The following CSMD3 variants were observed in gnomAD, a reference collection of about 807,000 sequenced individuals.
CSMD3 encodes CUB and Sushi multiple domains 3.
CSMD3 carries 177 observed loss-of-function variants against 435.2 expected under a neutral mutation model. The observed-to-expected ratio is 0.41, with a 90% CI of 0.36 to 0.46. The LOEUF (loss-of-function observed/expected upper bound fraction) is 0.46, where lower values mean the gene tolerates loss of function less well. Among genes scored for constraint, CSMD3 ranks in the 20% least tolerant of loss-of-function variants. The pLI, the probability that CSMD3 is intolerant of heterozygous loss-of-function variation, is 0.34. For missense variants in CSMD3, 4,265 were observed against 4,504.6 expected (o/e 0.95, Z 1.52); for synonymous variants, 1,656 against 1,520.5 (o/e 1.09, Z -2.07).
intron 8 of CSMD3, among the ~76,000 whole-genome samples, chr8:112,948,681 T>C (rs903914380): frequency 5.3e-5 from 8 of 151,908 alleles, no homozygotes; most frequent in African/African-American, 1.9e-4. Context: ...ATAAATTCTA[T>C]TATTTTACTT....
At chr8:112,568,603 G>A (rs370414595) in intron 24 of CSMD3, among the ~76,000 whole-genome samples, 23 of 151,856 alleles carry the variant, frequency 1.5e-4, no homozygotes, top group African/African-American at 5.5e-4. Context: ...AAAAGAAAAA[G>A]GAATGGGATA....
At chr8:112,745,469 G>A (rs966512395) in intron 13 of CSMD3, among the ~76,000 whole-genome samples, 1 of 151,854 alleles carries the variant, frequency 6.6e-6, no homozygotes. Flanking sequence ...TTTTACTACT[G>A]TACAATTTAC....
rs144433209 is a variant in CSMD3, at chr8:112,671,120, A to T, written c.2678-4705T>A. On this transcript the variant is annotated intron_variant, in intron 16 of 70. Coordinates refer to ENST00000297405, the MANE Select transcript of CSMD3 (RefSeq NM_198123.2). Reference sequence around the variant, plus strand: ...AATTCCTAGGTTTTAGTGGAAAAATAGAATAGTTTATATCTCAGTTGACTG... The same window carrying T: ...AATTCCTAGGTTTTAGTGGAAAAATTGAATAGTTTATATCTCAGTTGACTG... 3.4e-3 allele frequency among the ~76,000 whole-genome samples: 525 copies of T among 152,270 alleles called. 5 individuals carry two copies. Among genetic ancestry groups the T allele is most frequent in the African/African-American group, 0.012 (512 of 41,556 alleles).
At chr8:113,276,424 T>C (rs746818625) in intron 3 of CSMD3, among the ~76,000 whole-genome samples, 1 of 152,046 alleles carries the variant, frequency 6.6e-6, no homozygotes, top group East Asian at 1.9e-4. Context: ...TTTTTACCAG[T>C]TGCTGGCTCT....
At chr8:113,204,363 T>G (rs896021548) in intron 3 of CSMD3, among the ~76,000 whole-genome samples, 1 of 152,138 alleles carries the variant, frequency 6.6e-6, no homozygotes, top group Non-Finnish European at 1.5e-5. Flanking sequence ...GTACTGTTCA[T>G]TTTTTAACAA....
chr8:112,921,746 C>T lies in CSMD3; in HGVS notation c.1514G>A (p.Gly505Glu), dbSNP rs2130632557. ...GKRIGSDFSL[G>E]STVQFSCDED... ...ATCACAAGAGAACTGCACAGTTGAT[C>T]CAAGGCTAAAGTTAAATAAAAGAGA... The change falls in exon 10 of 71, where the codon GGA (glycine) becomes GAA (glutamate). Residue 505 changes from glycine to glutamate, a missense_variant. Physicochemically the swap from Gly to Glu is moderately conservative, Grantham distance 98. Around this residue, in one of 3 missense-constraint regions of CSMD3, gnomAD observed 731 missense variants for 755.4 expected, o/e 0.97. Transcript: ENST00000297405. 1 of 1,607,682 alleles carries T rather than the reference C, an allele frequency of 6.2e-7. No individual in the cohort carries two copies. The highest frequency in any genetic ancestry group is 8.5e-7 in the Non-Finnish European group (1 of 1,174,624).
At chr8:112,929,323 C>T (rs201511373) in intron 9 of CSMD3, among the ~76,000 whole-genome samples, 24 of 149,784 alleles carry the variant, frequency 1.6e-4, no homozygotes, top group Admixed American at 1.3e-4. Flanking sequence ...CACATGTATG[C>T]GTATGTAACT....
At chr8:112,630,551 C>T (rs1337320747) in intron 22 of CSMD3, among the ~76,000 whole-genome samples, 3 of 151,984 alleles carry the variant, frequency 2.0e-5, no homozygotes, top group East Asian at 1.9e-4. Context: ...TCTTATGCTA[C>T]TATGTTAATC....
intron 3 of CSMD3, among the ~76,000 whole-genome samples, chr8:113,181,570 T>A (rs1177122270): frequency 6.6e-6 from 1 of 152,072 alleles, no homozygotes; most frequent in Non-Finnish European, 1.5e-5. Context: ...ATAAATTTTA[T>A]CACCCAAAAT....
At chr8:112,253,942 C>T (rs578223618) in intron 63 of CSMD3, among the ~76,000 whole-genome samples, 1 of 152,080 alleles carries the variant, frequency 6.6e-6, no homozygotes, top group South Asian at 2.1e-4. Flanking sequence ...GTAGAGTTTA[C>T]TCATTTACTC....
rs2129942192 is a variant in CSMD3, at chr8:112,234,401, C to T, written c.10704G>A (p.Lys3568=). 1.2e-6 allele frequency: 2 copies of T among 1,613,236 alleles called. No individual in the cohort carries two copies. Among genetic ancestry groups the T allele is most frequent in the Non-Finnish European group, 1.7e-6 (2 of 1,179,574 alleles). Residue 3568 remains lysine (K), a synonymous_variant, in exon 68 of 71, where the codon AAG becomes AAA. Transcript: ENST00000297405. ...LIKVPAHASV[K]KMKEENWAMD... ...TTGCCCAATTTTCTTCCTTCATTTT[C>T]TTCACAGAAGCATGAGCAGGTACTT... is the stretch of plus-strand genomic sequence containing the variant.
chr8:112,518,346 A>T (rs79949542), intron 27 of CSMD3, among the ~76,000 whole-genome samples: 6 of 143,188 alleles, frequency 4.2e-5, no homozygotes, highest in African/African-American at 7.7e-5. Context: ...AGAAAAAATT[A>T]AAAAAAAAAA....
At chr8:112,479,768 A>G (rs1256474516) in intron 31 of CSMD3, among the ~76,000 whole-genome samples, 2 of 152,226 alleles carry the variant, frequency 1.3e-5, no homozygotes, top group Admixed American at 6.5e-5. Flanking sequence ...CAGAGAATGT[A>G]TAGAAAATCC....
chr8:113,408,708 C>T (rs76954425), intron 1 of CSMD3, among the ~76,000 whole-genome samples: 2,718 of 149,062 alleles, frequency 0.018, 93 homozygotes, highest in African/African-American at 0.061. Flanking sequence ...TTCAGGTTGG[C>T]GTGCAGGGGC....
Position 112,246,132 on chromosome 8 carries a change from A to G in CSMD3, c.10222+888T>C, listed in dbSNP as rs553648118. 1.8e-4 allele frequency among the ~76,000 whole-genome samples: 28 copies of G among 152,234 alleles called. No individual in the cohort carries two copies. The South Asian group carries it at 5.8e-3, about 32-fold the overall frequency. ...AATTCTCCTTTAAGGAATTTTCCAT[A>G]TTTAAATATAAGCCAACAAGGCACA... On this transcript the variant is annotated intron_variant, in intron 64 of 70. Transcript: ENST00000297405.
rs201373293 is a variant in CSMD3 at position 113,166,585 on chromosome 8, TTC to T, written c.709+7135_709+7136del. ...TTGAATATACTTCAAATGTGAGAAC[TTC>T]CAGACATGGATAACTCAGAAATGCT... On this transcript the variant is annotated intron_variant, in intron 4 of 70. Transcript: ENST00000297405. Among the ~76,000 whole-genome samples, 1,279 of 152,282 alleles carry T rather than the reference TTC, an allele frequency of 8.4e-3. 19 individuals are homozygous for T. The highest frequency in any genetic ancestry group is 0.029 in the African/African-American group (1,199 of 41,556).
intron 2 of CSMD3, among the ~76,000 whole-genome samples, chr8:113,298,294 A>G (rs1446285934): frequency 1.3e-5 from 2 of 152,104 alleles, no homozygotes; most frequent in African/African-American, 4.8e-5. Context: ...TTTTGAAAAT[A>G]CTTACGTATT....
At chr8:113,079,677 A>G (rs564692700) in intron 5 of CSMD3, among the ~76,000 whole-genome samples, 1 of 152,274 alleles carries the variant, frequency 6.6e-6, no homozygotes, top group Admixed American at 6.5e-5. Context: ...GGCACACTAG[A>G]AGAACAAAAC....
chr8:112,950,388 C>T (rs1053548387), intron 8 of CSMD3, among the ~76,000 whole-genome samples: 1 of 151,818 alleles, frequency 6.6e-6, no homozygotes, highest in Non-Finnish European at 1.5e-5. Context: ...AGCCTAACTA[C>T]TTTTTTGTAT....
Sources: allele counts gnomAD v4.1 joint callset (sites outside exome capture counted in the v4.1 genomes callset), GRCh38; gene constraint gnomAD v4.1.1; regional missense constraint gnomAD v4.1.1; transcripts MANE v1.5; gene names NCBI Gene and HGNC (gene_info 2026-07-23, HGNC 2026-07-21).